MTURN: variants seen among roughly 807,000 people sequenced by gnomAD.
MTURN encodes maturin.
Under a neutral mutation model 14.9 loss-of-function variants are expected in MTURN, and 7 were observed. The observed-to-expected ratio is 0.47, with a 90% CI of 0.27 to 0.88. The LOEUF (loss-of-function observed/expected upper bound fraction) is 0.88, where lower values mean the gene tolerates loss of function less well. Among genes scored for constraint, MTURN ranks in the 40% least tolerant of loss-of-function variants. The pLI is 0.14. For missense variants in MTURN, 151 were observed against 174.1 expected, an observed-to-expected ratio of 0.87 and a Z score of 0.75; for synonymous variants, 69 against 72.5, an observed-to-expected ratio of 0.95 and a Z score of 0.25.
chr7:30,145,714 C>G (rs894821750), intron 1 of MTURN: 1 of 1,036,270 alleles, frequency 9.6e-7, no homozygotes, highest in East Asian at 2.7e-5. Flanking sequence ...ACTCACAGGC[C>G]GATCTGGGTA....
At position 30,160,572 on chromosome 7, in the gene MTURN, AAG is replaced by A. The variant is rs1562573164; in HGVS notation, c.*3027_*3028del. ...GACAGTGAAAGTAACGTGAGAGAGA[AAG>A]AGTGTGTGTGTATATGTGAGAGAGA... On this transcript the variant is annotated 3_prime_UTR_variant, in exon 3 of 3. Coordinates refer to ENST00000324453, the MANE Select transcript of MTURN (RefSeq NM_152793.3). 1.3e-5 allele frequency: 2 copies of A among 152,200 alleles called. No individual in the cohort carries two copies. Among genetic ancestry groups the A allele is most frequent in the Non-Finnish European group, 2.9e-5 (2 of 68,068 alleles). The allele number at this position is 152,200 out of a possible 1,614,324, so 9.4% of individuals were successfully genotyped here.
intron 1 of MTURN, among the ~76,000 whole-genome samples, chr7:30,145,128 A>G (rs1444132729): frequency 2.0e-5 from 3 of 152,050 alleles, no homozygotes; most frequent in African/African-American, 7.3e-5. Context: ...CAGGTCTTTG[A>G]ACATTTATGA....
chr7:30,139,620 G>A (rs1217780553), intron 1 of MTURN, among the ~76,000 whole-genome samples: 1 of 152,192 alleles, frequency 6.6e-6, no homozygotes, highest in Non-Finnish European at 1.5e-5. Flanking sequence ...CCACTAAGAA[G>A]TGACAGAGCA....
chr7:30,152,653 G>A (rs183572716), intron 2 of MTURN, among the ~76,000 whole-genome samples: 4 of 152,252 alleles, frequency 2.6e-5, no homozygotes, highest in South Asian at 2.1e-4. Context: ...TTGATTGGCC[G>A]TGCTCTCCAG....
chr7:30,137,674 CTT>C (rs1441724933), intron 1 of MTURN: 2 of 471,210 alleles, frequency 4.2e-6, no homozygotes, highest in Non-Finnish European at 4.4e-6. Context: ...AGCCGGACCT[CTT>C]GAATCTGTCC....
At chr7:30,149,709 G>A (rs926949124) in intron 2 of MTURN, among the ~76,000 whole-genome samples, 12 of 152,202 alleles carry the variant, frequency 7.9e-5, no homozygotes, top group Non-Finnish European at 1.3e-4. Context: ...ACAGTTGAAC[G>A]TATTTGTTGA....
At chr7:30,152,927 C>G (rs972283346) in intron 2 of MTURN, among the ~76,000 whole-genome samples, 1 of 152,054 alleles carries the variant, frequency 6.6e-6, no homozygotes, top group South Asian at 2.1e-4. Flanking sequence ...ATGTGATCAC[C>G]GATAGCTCAC....
chr7:30,149,786 A>G (rs1246150877), intron 2 of MTURN, among the ~76,000 whole-genome samples: 1 of 152,220 alleles, frequency 6.6e-6, no homozygotes, highest in African/African-American at 2.4e-5. Context: ...CTGAAAATAC[A>G]TGGGAATCTG....
intron 1 of MTURN, among the ~76,000 whole-genome samples, chr7:30,138,014 G>A (rs1014714289): frequency 2.0e-5 from 3 of 152,180 alleles, no homozygotes; most frequent in Non-Finnish European, 4.4e-5. Flanking sequence ...TGGTGTGGTG[G>A]TTAAGCACAC....
At chr7:30,145,921 T>A in intron 1 of MTURN, 3 of 1,551,714 alleles carry the variant, frequency 1.9e-6, no homozygotes, top group Non-Finnish European at 2.6e-6. Flanking sequence ...CCCTCTTTAC[T>A]GTGTAGGAGC....
chr7:30,137,853 A>G (rs1239000438), intron 1 of MTURN, among the ~76,000 whole-genome samples: 6 of 151,924 alleles, frequency 3.9e-5, no homozygotes, highest in African/African-American at 1.2e-4. Flanking sequence ...GCATTTCTCA[A>G]TTTACAAAAG....
At chr7:30,143,112 G>A (rs929678155) in intron 1 of MTURN, among the ~76,000 whole-genome samples, 5 of 151,968 alleles carry the variant, frequency 3.3e-5, no homozygotes, top group Non-Finnish European at 5.9e-5. Context: ...ATGGGCCCCT[G>A]TATCTTCCTA....
intron 1 of MTURN, chr7:30,145,748 T>C: frequency 7.6e-7 from 1 of 1,311,580 alleles, no homozygotes; most frequent in Non-Finnish European, 1.0e-6. Flanking sequence ...TCCAAGTTAA[T>C]GCTTACAAAC....
At chr7:30,153,215 G>A (rs1459887336) in intron 2 of MTURN, among the ~76,000 whole-genome samples, 6 of 151,994 alleles carry the variant, frequency 3.9e-5, no homozygotes, top group Admixed American at 2.6e-4. Context: ...GGATCCAGAA[G>A]TTAAATTTAG....
chr7:30,135,403 G>A (rs1242646191), intron 1 of MTURN, 105 bp downstream of exon 1: 1 of 1,071,720 alleles, frequency 9.3e-7, no homozygotes, highest in Non-Finnish European at 1.2e-6. Flanking sequence ...GGCGCAGAGT[G>A]GGGGGCCGTA....
intron 2 of MTURN, among the ~76,000 whole-genome samples, chr7:30,157,123 C>T (rs572107258): frequency 1.3e-5 from 2 of 152,272 alleles, no homozygotes; most frequent in Admixed American, 6.5e-5. Flanking sequence ...TCATTTCATA[C>T]GACTGCTGAC....
In MTURN at chr7:30,158,576, G is replaced by A. The variant is rs192234067; in HGVS notation, c.*1028G>A. 11 of 152,192 alleles carry A rather than the reference G, an allele frequency of 7.2e-5. No homozygotes were observed. The highest frequency in any genetic ancestry group is 7.2e-4 in the Admixed American group (11 of 15,288). The allele number at this position is 152,192 out of a possible 1,614,324, so 9.4% of individuals were successfully genotyped here. A position where few individuals can be genotyped will look rare whatever the true frequency, so the allele number is the denominator to read the frequency against. ...TAAAAATTTAATCACATGTTTCGAG[G>A]GACTTAATTGTGGTGTATTTGTAAA... On this transcript the variant is annotated 3_prime_UTR_variant, in exon 3 of 3. Transcript: ENST00000324453.
At position 30,154,589 on chromosome 7, in the gene MTURN, G is replaced by A. The variant is rs150875789; in HGVS notation, c.286-2849G>A. Among the ~76,000 whole-genome samples, 50 of 152,280 alleles carry A rather than the reference G, an allele frequency of 3.3e-4. No individual in the cohort carries two copies. The East Asian group carries it at 9.6e-3, about 29-fold the overall frequency. On this transcript the variant is annotated intron_variant, in intron 2 of 2. Coordinates refer to ENST00000324453, the MANE Select transcript of MTURN (RefSeq NM_152793.3). ...TCTGTGAGATAGAGCAGGTATCATGGCGCTTTACAGAGAAGGACATTGAGG... is the reference window on the plus strand; with the variant it reads ...TCTGTGAGATAGAGCAGGTATCATGACGCTTTACAGAGAAGGACATTGAGG...
chr7:30,146,478 G>T (rs558107567), intron 2 of MTURN, among the ~76,000 whole-genome samples, 179 bp downstream of exon 2: 2 of 152,254 alleles, frequency 1.3e-5, no homozygotes, highest in South Asian at 4.1e-4. Context: ...GGAGGGGGAC[G>T]GGATGTGACA....
Sources: gnomAD v4.1 joint callset for allele counts (sites outside exome capture counted in the v4.1 genomes callset) on GRCh38, gnomAD v4.1.1 for gene constraint, MANE v1.5 for transcripts, NCBI Gene and HGNC (gene_info 2026-07-23, HGNC 2026-07-21) for gene names.